The following DPY19L2 variants were observed in gnomAD, a reference collection of about 807,000 sequenced individuals.
DPY19L2 encodes probable C-mannosyltransferase DPY19L2.
DPY19L2 carries 34 observed loss-of-function variants against 97.9 expected under a neutral mutation model. That is an observed-to-expected ratio of 0.35 (90% confidence interval 0.26 to 0.46). DPY19L2 has a LOEUF of 0.46. Among genes scored for constraint, DPY19L2 ranks in the 20% least tolerant of loss-of-function variants. The pLI, the probability that DPY19L2 is intolerant of heterozygous loss-of-function variation, is 1.00. For synonymous variants in DPY19L2, 230 were observed against 307.9 expected (o/e 0.75, Z 2.65); for missense variants, 623 against 911.4 (o/e 0.68, Z 4.07).
chr12:63,578,455 G>A (rs898515193), intron 19 of DPY19L2, among the ~76,000 whole-genome samples: 4 of 152,094 alleles, frequency 2.6e-5, no homozygotes, highest in Non-Finnish European at 5.9e-5. Flanking sequence ...AACTGAGAGA[G>A]TATAACTGGA....
chr12:63,646,196 G>T (rs1396359050), intron 5 of DPY19L2, among the ~76,000 whole-genome samples: 2 of 152,102 alleles, frequency 1.3e-5, no homozygotes, highest in Non-Finnish European at 2.9e-5. Flanking sequence ...AAGGCCCCAC[G>T]TCTAGCTGGT....
chr12:63,590,958 C>T (rs1882795998), intron 16 of DPY19L2: 2 of 424,210 alleles, frequency 4.7e-6, no homozygotes, highest in Admixed American at 4.8e-5. Context: ...GTCGCTTCCA[C>T]ATTACACCCT....
chr12:63,647,421 A>C (rs978555868), intron 4 of DPY19L2, 56 bp from the exon 5 acceptor site: 12 of 678,894 alleles, frequency 1.8e-5, no homozygotes, highest in Middle Eastern at 4.0e-4. Flanking sequence ...TCTTCATAAT[A>C]ATAATAATAA....
intron 4 of DPY19L2, chr12:63,651,684 G>T (rs1179778630): frequency 8.9e-6 from 4 of 451,612 alleles, no homozygotes; most frequent in Non-Finnish European, 1.8e-5. Flanking sequence ...CCTGATAGCT[G>T]TTTTCCAGAA....
At chr12:63,623,342 T>G (rs1246689765) in intron 8 of DPY19L2, among the ~76,000 whole-genome samples, 1 of 152,180 alleles carries the variant, frequency 6.6e-6, no homozygotes, top group African/African-American at 2.4e-5. Context: ...ATACTCCTTA[T>G]CCATCTAACT....
chr12:63,581,479 C>CTTTTT (rs71086686), intron 18 of DPY19L2, among the ~76,000 whole-genome samples: 81 of 91,818 alleles, frequency 8.8e-4, no homozygotes, highest in East Asian at 1.2e-3. Context: ...CCAGGAAACT[C>CTTTTT]TTTTTTTTTT....
intron 6 of DPY19L2, among the ~76,000 whole-genome samples, chr12:63,635,794 A>T (rs1241943610): frequency 1.3e-5 from 2 of 152,216 alleles, no homozygotes; most frequent in Non-Finnish European, 2.9e-5. Context: ...GACCAAATCT[A>T]CGGCTGATCG....
At chr12:63,560,746 A>G in intron 21 of DPY19L2, 84 bp from the exon 22 acceptor site, 1 of 1,493,240 alleles carries the variant, frequency 6.7e-7, no homozygotes. Context: ...AGATTTTCAG[A>G]GACAAATTTA....
rs1884747680 is a variant in DPY19L2 at position 63,599,208 on chromosome 12, TG to T, written c.1359+1097del. Among the ~76,000 whole-genome samples, 4 of 151,376 alleles carry T rather than the reference TG, an allele frequency of 2.6e-5. No individual in the cohort carries two copies. In the South Asian group the frequency reaches 8.4e-4, roughly 32 times the overall value. ...AAAAAAAAAAAAAAAGATTTAGATT[TG>T]TAAAGATCTGGGGGTCAATGTGAAG... On this transcript the variant is annotated intron_variant, in intron 13 of 21. Transcript: ENST00000324472.
intron 6 of DPY19L2, among the ~76,000 whole-genome samples, chr12:63,629,280 G>A (rs902752430): frequency 6.6e-6 from 1 of 152,138 alleles, no homozygotes; most frequent in African/African-American, 2.4e-5. Context: ...GCTAAAGGAG[G>A]AAGTTAGAAC....
intron 6 of DPY19L2, among the ~76,000 whole-genome samples, chr12:63,643,048 A>G (rs1158654522): frequency 1.3e-5 from 2 of 151,736 alleles, no homozygotes; most frequent in African/African-American, 2.4e-5. Flanking sequence ...TCAAAATTTC[A>G]TTTTCTATTT....
intron 4 of DPY19L2, among the ~76,000 whole-genome samples, chr12:63,657,801 T>C (rs1005069122): frequency 2.6e-5 from 4 of 152,196 alleles, no homozygotes. Context: ...CCTGCTCACC[T>C]TCACATTTCA....
chr12:63,647,835 T>C (rs911424945), intron 4 of DPY19L2, among the ~76,000 whole-genome samples: 2 of 152,128 alleles, frequency 1.3e-5, no homozygotes, highest in African/African-American at 4.8e-5. Flanking sequence ...CATTTAGAAA[T>C]GTACCATAAC....
intron 6 of DPY19L2, among the ~76,000 whole-genome samples, chr12:63,635,473 A>T (rs12422962): frequency 0.41 from 62,986 of 151,880 alleles, 12,930 homozygotes; most frequent in South Asian, 0.48. Flanking sequence ...GACGATCGGT[A>T]ACAACAAACT....
intron 6 of DPY19L2, among the ~76,000 whole-genome samples, chr12:63,642,318 TG>T (rs1892811326): frequency 6.6e-6 from 1 of 151,774 alleles, no homozygotes; most frequent in Admixed American, 6.6e-5. Context: ...ACAATTCTTT[TG>T]AGGAACTGAA....
chr12:63,606,587 CAA>C (rs1367494729), intron 12 of DPY19L2, among the ~76,000 whole-genome samples: 2 of 152,134 alleles, frequency 1.3e-5, no homozygotes, highest in African/African-American at 2.4e-5. Flanking sequence ...AGATTTATCA[CAA>C]GTGGATTATC....
intron 11 of DPY19L2, 45 bp from the exon 12 acceptor site, chr12:63,608,720 CATTT>C (rs1169438935): frequency 9.3e-7 from 1 of 1,075,248 alleles, no homozygotes; most frequent in Non-Finnish European, 1.4e-6. Context: ...ATACAATTAA[CATTT>C]ATATTTTGTA....
At position 63,667,997 on chromosome 12, in the gene DPY19L2, T is replaced by G. The variant is rs1201639639; in HGVS notation, c.337+60A>C. 1.2e-5 allele frequency: 18 copies of G among 1,552,606 alleles called. 1 individual carries two copies. The highest frequency in any genetic ancestry group is 1.5e-5 in the Non-Finnish European group (17 of 1,149,534). On this transcript the variant is annotated intron_variant, in intron 1 of 21. Coordinates refer to ENST00000324472, the MANE Select transcript of DPY19L2 (RefSeq NM_173812.5). ...CCCTTGCTTGTTAAACTGATCTCCT[T>G]CAAGACTCAAGAAAAGCGCCATGCG... is the stretch of plus-strand genomic sequence containing the variant.
intron 21 of DPY19L2, among the ~76,000 whole-genome samples, chr12:63,565,415 A>AT (rs1314414191): frequency 1.3e-5 from 2 of 152,096 alleles, no homozygotes; most frequent in African/African-American, 4.8e-5. Context: ...TTGTGGCCTT[A>AT]TATCACTCCA....
Sources: allele counts gnomAD v4.1 joint callset (sites outside exome capture counted in the v4.1 genomes callset), GRCh38; gene constraint gnomAD v4.1.1; transcripts MANE v1.5; gene names NCBI Gene and HGNC (gene_info 2026-07-23, HGNC 2026-07-21).